RAPGEF1: variants seen among roughly 807,000 people sequenced by gnomAD.
RAPGEF1 encodes the protein CRK SH3-binding GNRP.
RAPGEF1 carries 33 observed loss-of-function variants against 143.3 expected under a neutral mutation model. The ratio of observed to expected loss-of-function variants is 0.23; its 90% CI spans 0.17 to 0.31. The LOEUF (loss-of-function observed/expected upper bound fraction) is 0.31, where lower values mean the gene tolerates loss of function less well. Among genes scored for constraint, RAPGEF1 ranks in the 10% least tolerant of loss-of-function variants. The pLI is 1.00. For synonymous variants in RAPGEF1, 629 were observed against 676.5 expected, an observed-to-expected ratio of 0.93 and a Z score of 1.09; for missense variants, 1,199 against 1,645.4, an observed-to-expected ratio of 0.73 and a Z score of 4.69.
At chr9:131,617,903 A>G (rs1959272906) in intron 12 of RAPGEF1, among the ~76,000 whole-genome samples, 1 of 152,214 alleles carries the variant, frequency 6.6e-6, no homozygotes, top group African/African-American at 2.4e-5. Flanking sequence ...TTAACAGACG[A>G]AAGGGAGAAT....
intron 19 of RAPGEF1, 25 bp from the exon 20 acceptor site, chr9:131,589,011 G>A (rs747816570): frequency 1.0e-5 from 16 of 1,606,184 alleles, no homozygotes; most frequent in Non-Finnish European, 1.3e-5. Flanking sequence ...AGCACAAGGT[G>A]AGGAGCAGGA....
At chr9:131,615,201 T>C (rs7035515) in intron 12 of RAPGEF1, among the ~76,000 whole-genome samples, 46,147 of 152,190 alleles carry the variant, frequency 0.3, 7,498 homozygotes, top group African/African-American at 0.43. Flanking sequence ...GCCTCCCAAG[T>C]AGCTGGGACT....
At chr9:131,671,711 G>A (rs905940366) in intron 1 of RAPGEF1, among the ~76,000 whole-genome samples, 4 of 152,188 alleles carry the variant, frequency 2.6e-5, no homozygotes, top group Admixed American at 2.6e-4. Context: ...ACTGGCAGAC[G>A]GTGCAGGATC....
chr9:131,628,998 G>C lies in RAPGEF1; in HGVS notation c.893+104C>G. The C allele has an allele frequency of 7.0e-7, 1 of 1,435,880 alleles. No homozygotes were observed. 88.9% of individuals were successfully genotyped at this position (1,435,880 alleles called of 1,614,324 possible). A position where few individuals can be genotyped will look rare whatever the true frequency, so the allele number is the denominator to read the frequency against. On this transcript the variant is annotated intron_variant, in intron 7 of 26. Coordinates refer to ENST00000683357, the MANE Select transcript of RAPGEF1 (RefSeq NM_001377935.1). The surrounding 1 kb of genome is among the most constrained non-coding windows in gnomAD (Gnocchi z 5.7). ...AGCTCCAGAGTCAGCCTCCCAAGGGGGGCCAAGCCCTCAGCGCTGAGGGGA... is the reference window on the plus strand; with the variant it reads ...AGCTCCAGAGTCAGCCTCCCAAGGGCGGCCAAGCCCTCAGCGCTGAGGGGA...
At chr9:131,596,238 A>G in intron 17 of RAPGEF1, 60 bp downstream of exon 17, 1 of 1,516,386 alleles carries the variant, frequency 6.6e-7, no homozygotes, top group South Asian at 1.1e-5. Flanking sequence ...TAGCGGTGGG[A>G]GGCCGAGTGG....
chr9:131,628,982 G>A lies in RAPGEF1; in HGVS notation c.893+120C>T. On this transcript the variant is annotated intron_variant, in intron 7 of 26. Transcript: ENST00000683357. The surrounding 1 kb of genome is among the most constrained non-coding windows in gnomAD (Gnocchi z 5.7). ...CCGGCGGGGTGGGGACAGCTCCAGA[G>A]TCAGCCTCCCAAGGGGGGCCAAGCC... is the stretch of plus-strand genomic sequence containing the variant. The A allele has an allele frequency of 1.5e-6, 2 of 1,342,918 alleles. No homozygotes were observed. Among genetic ancestry groups the A allele is most frequent in the South Asian group, 1.5e-5 (1 of 68,098 alleles). The allele number at this position is 1,342,918 out of a possible 1,614,324, so 83.2% of individuals were successfully genotyped here. A position where few individuals can be genotyped will look rare whatever the true frequency, so the allele number is the denominator to read the frequency against.
rs76387790 is a variant in RAPGEF1 at position 131,650,518 on chromosome 9, G to A, written c.202-276C>T. ...AACGTAGGGAACTGCAGGGCAGGGA[G>A]GCAGCAGCCTGGGGTGTGGACATGA... On this transcript the variant is annotated intron_variant, in intron 2 of 26. Transcript: ENST00000683357. This position sits in a 1 kb window ranked among gnomAD's most constrained non-coding sequence, Gnocchi z 4.7. Among the ~76,000 whole-genome samples the A allele has an allele frequency of 9.4e-3, 1,437 of 152,240 alleles. 12 individuals are homozygous for A. Among genetic ancestry groups the A allele is most frequent in the South Asian group, 0.018 (87 of 4,828 alleles).
intron 5 of RAPGEF1, among the ~76,000 whole-genome samples, chr9:131,636,180 G>GC (rs1966328532): frequency 6.6e-6 from 1 of 152,190 alleles, no homozygotes. Context: ...TTACGGTCCT[G>GC]CCCCCCTTAG....
chr9:131,641,889 T>C lies in RAPGEF1; in HGVS notation c.494+1350A>G, dbSNP rs1053461867. ...AGGAAGCCCCAGGGCAGAGAGTTTC[T>C]TGTAAATAAAGACACTATTTGCTTT... is the stretch of plus-strand genomic sequence containing the variant. On this transcript the variant is annotated intron_variant, in intron 4 of 26. Coordinates refer to ENST00000683357, the MANE Select transcript of RAPGEF1 (RefSeq NM_001377935.1). The surrounding 1 kb of genome is among the most constrained non-coding windows in gnomAD (Gnocchi z 4.6). Among the ~76,000 whole-genome samples the C allele has an allele frequency of 3.9e-5, 6 of 152,348 alleles. No individual in the cohort carries two copies. Among genetic ancestry groups the C allele is most frequent in the Admixed American group, 2.0e-4 (3 of 15,304 alleles).
chr9:131,652,027 A>G (rs951212822), intron 1 of RAPGEF1, among the ~76,000 whole-genome samples: 16 of 152,226 alleles, frequency 1.1e-4, no homozygotes, highest in Non-Finnish European at 1.5e-5. Context: ...CACCTGTGAA[A>G]GGCACTATCA....
At position 131,582,588 on chromosome 9, in the gene RAPGEF1, G is replaced by A; in HGVS notation, c.3512+17C>T. On this transcript the variant is annotated intron_variant, in intron 25 of 26. Transcript: ENST00000683357. ...AAACCCAGGCGGGGCTGGGGGCCTG[G>A]AGGGGCTGCTACTCACAGGTACGGG... 6.7e-7 allele frequency: 1 copy of A among 1,491,164 alleles called. No homozygotes were observed. Among genetic ancestry groups the A allele is most frequent in the Non-Finnish European group, 8.9e-7 (1 of 1,124,788 alleles). 92.4% of individuals were successfully genotyped at this position (1,491,164 alleles called of 1,614,324 possible). A position where few individuals can be genotyped will look rare whatever the true frequency, so the allele number is the denominator to read the frequency against.
chr9:131,586,782 C>T (rs1953008418), intron 22 of RAPGEF1, among the ~76,000 whole-genome samples: 3 of 69,436 alleles, frequency 4.3e-5, no homozygotes, highest in Admixed American at 1.9e-4. Context: ...ACCTGCAGAG[C>T]GAGACTCCGT....
chr9:131,599,064 C>T (rs1021274166), intron 15 of RAPGEF1, among the ~76,000 whole-genome samples: 1 of 151,588 alleles, frequency 6.6e-6, no homozygotes, highest in Non-Finnish European at 1.5e-5. Context: ...TCCTCGTGAT[C>T]TGCCCAATTC....
intron 15 of RAPGEF1, among the ~76,000 whole-genome samples, chr9:131,601,831 C>T (rs561841376): frequency 1.7e-3 from 258 of 152,226 alleles, no homozygotes; most frequent in Middle Eastern, 6.8e-3. Flanking sequence ...CGCTTGAGCC[C>T]GGGAGTTCAA....
At position 131,675,384 on chromosome 9, in the gene RAPGEF1, T is replaced by C. The variant is rs1354443061; in HGVS notation, c.62-24435A>G. ...GGGAGCAGGGAGCCCGGCAGCTTCCTGCGGGTGCCGGGACGTGCCGTCCAC... is the reference window on the plus strand; with the variant it reads ...GGGAGCAGGGAGCCCGGCAGCTTCCCGCGGGTGCCGGGACGTGCCGTCCAC... On this transcript the variant is annotated intron_variant, in intron 1 of 26. Transcript: ENST00000683357. This position sits in a 1 kb window ranked among gnomAD's most constrained non-coding sequence, Gnocchi z 4.6. Among the ~76,000 whole-genome samples, 1 of 152,202 alleles carries C rather than the reference T, an allele frequency of 6.6e-6. No homozygotes were observed. The highest frequency in any genetic ancestry group is 1.5e-5 in the Non-Finnish European group (1 of 68,040).
At chr9:131,596,652 G>C (rs1420423174) in intron 16 of RAPGEF1, among the ~76,000 whole-genome samples, 2 of 152,174 alleles carry the variant, frequency 1.3e-5, no homozygotes, top group Non-Finnish European at 2.9e-5. Context: ...GCATGCCACT[G>C]TTTTGAGCAC....
At chr9:131,725,765 T>TC (rs1400306912) in intron 1 of RAPGEF1, among the ~76,000 whole-genome samples, 1 of 151,148 alleles carries the variant, frequency 6.6e-6, no homozygotes, top group East Asian at 1.9e-4. Flanking sequence ...GTTGTGTTTT[T>TC]TTTTTTTTTT....
At chr9:131,665,473 GCTTT>G (rs1830275805) in intron 1 of RAPGEF1, among the ~76,000 whole-genome samples, 1 of 152,026 alleles carries the variant, frequency 6.6e-6, no homozygotes, top group Non-Finnish European at 1.5e-5. Context: ...GACCGCGATG[GCTTT>G]CTAACTGTCC....
At chr9:131,666,677 GC>G (rs1223395406) in intron 1 of RAPGEF1, among the ~76,000 whole-genome samples, 1 of 152,084 alleles carries the variant, frequency 6.6e-6, no homozygotes, top group Non-Finnish European at 1.5e-5. Context: ...GAGTCCCTGT[GC>G]CCAGTCTTAA....
Sources: gnomAD v4.1 joint callset for allele counts (sites outside exome capture counted in the v4.1 genomes callset) on GRCh38, gnomAD v4.1.1 for gene constraint, Gnocchi (gnomAD v3.1) non-coding constraint, MANE v1.5 for transcripts, NCBI Gene and HGNC (gene_info 2026-07-23, HGNC 2026-07-21) for gene names.